HTR1F: variants seen among roughly 807,000 people sequenced by gnomAD.
HTR1F encodes 5-hydroxytryptamine (serotonin) receptor 1F, G protein-coupled.
HTR1F carries 17 observed loss-of-function variants against 24.0 expected under a neutral mutation model. The ratio of observed to expected loss-of-function variants is 0.71; its 90% CI spans 0.48 to 1.06. The LOEUF (loss-of-function observed/expected upper bound fraction) is 1.06, where lower values mean the gene tolerates loss of function less well. HTR1F is among the 50% of genes least tolerant of loss of function. The pLI, the probability that HTR1F is intolerant of heterozygous loss-of-function variation, is 0.00. For synonymous variants in HTR1F, 186 were observed against 156.8 expected, an observed-to-expected ratio of 1.19 and a Z score of -1.39; for missense variants, 391 against 427.8, an observed-to-expected ratio of 0.91 and a Z score of 0.76.
At chr3:87,910,908 A>T (rs193152904) in intron 2 of HTR1F, among the ~76,000 whole-genome samples, 2 of 152,066 alleles carry the variant, frequency 1.3e-5, no homozygotes, top group South Asian at 4.1e-4. Flanking sequence ...GAAATCAAGA[A>T]GTTCTTTGAA....
chr3:87,909,923 T>C (rs1054522659), intron 2 of HTR1F, among the ~76,000 whole-genome samples: 3 of 152,022 alleles, frequency 2.0e-5, no homozygotes, highest in African/African-American at 7.2e-5. Flanking sequence ...CATGGTCTTT[T>C]ATTCTTCTTA....
chr3:87,947,585 T>A (rs1249748406), intron 2 of HTR1F, among the ~76,000 whole-genome samples: 1 of 152,088 alleles, frequency 6.6e-6, no homozygotes, highest in African/African-American at 2.4e-5. Flanking sequence ...TGAGAGAGCA[T>A]CTATAGCATG....
At chr3:87,800,619 T>C (rs1703975891) in intron 1 of HTR1F, among the ~76,000 whole-genome samples, 2 of 152,308 alleles carry the variant, frequency 1.3e-5, no homozygotes, top group South Asian at 4.1e-4. Flanking sequence ...GTCTTTTCCA[T>C]CTCTGTATCT....
At chr3:87,875,688 G>C (rs1291936255) in intron 2 of HTR1F, among the ~76,000 whole-genome samples, 1 of 151,900 alleles carries the variant, frequency 6.6e-6, no homozygotes, top group Non-Finnish European at 1.5e-5. Flanking sequence ...ACTTTGGGAG[G>C]CCGAGGCGGG....
chr3:87,944,511 G>A (rs6788927), intron 2 of HTR1F, among the ~76,000 whole-genome samples: 21 of 152,238 alleles, frequency 1.4e-4, no homozygotes, highest in South Asian at 4.1e-4. Context: ...ACCATCTATC[G>A]TCCTGTCCTG....
intron 1 of HTR1F, among the ~76,000 whole-genome samples, chr3:87,806,822 G>A (rs1286851137): frequency 2.6e-5 from 4 of 151,948 alleles, no homozygotes; most frequent in Admixed American, 6.6e-5. Context: ...TTTTGTTTAT[G>A]GTGAGAGGTA....
intron 2 of HTR1F, among the ~76,000 whole-genome samples, chr3:87,930,627 G>T (rs943060952): frequency 1.3e-5 from 2 of 152,062 alleles, no homozygotes; most frequent in African/African-American, 4.8e-5. Context: ...TGCATCCCTG[G>T]GGTGAAGTCT....
At chr3:87,971,294 A>G (rs942897669) in intron 2 of HTR1F, among the ~76,000 whole-genome samples, 1 of 152,150 alleles carries the variant, frequency 6.6e-6, no homozygotes, top group African/African-American at 2.4e-5. Context: ...ATGGCCGGGC[A>G]TGGTGACTCA....
At chr3:87,907,970 T>C (rs1703702057) in intron 2 of HTR1F, among the ~76,000 whole-genome samples, 2 of 152,050 alleles carry the variant, frequency 1.3e-5, no homozygotes, top group Non-Finnish European at 2.9e-5. Context: ...GAATTTATTC[T>C]TTTAAATTTA....
intron 2 of HTR1F, among the ~76,000 whole-genome samples, chr3:87,892,668 A>G (rs1293273474): frequency 6.6e-6 from 1 of 152,198 alleles, no homozygotes; most frequent in Non-Finnish European, 1.5e-5. Context: ...TTTTCAACTT[A>G]GATTCACTTG....
At chr3:87,888,252 A>C (rs569515540) in intron 2 of HTR1F, among the ~76,000 whole-genome samples, 41 of 152,278 alleles carry the variant, frequency 2.7e-4, no homozygotes, top group African/African-American at 9.6e-4. Flanking sequence ...TTTCACTCAT[A>C]GGTGTGAATT....
At chr3:87,852,118 A>G (rs1321220902) in intron 2 of HTR1F, among the ~76,000 whole-genome samples, 4 of 151,622 alleles carry the variant, frequency 2.6e-5, no homozygotes, top group Non-Finnish European at 5.9e-5. Flanking sequence ...CCTGATTAAT[A>G]TGAATTTCAT....
At chr3:87,803,672 C>T (rs1704029823) in intron 1 of HTR1F, among the ~76,000 whole-genome samples, 1 of 143,254 alleles carries the variant, frequency 7.0e-6, no homozygotes, top group African/African-American at 3.0e-5. Flanking sequence ...TGAATGAATT[C>T]TAAAGCATAA....
At chr3:87,827,088 G>A (rs1704479538) in intron 2 of HTR1F, among the ~76,000 whole-genome samples, 1 of 151,590 alleles carries the variant, frequency 6.6e-6, no homozygotes, top group African/African-American at 2.4e-5. Context: ...GGGAATTACA[G>A]GTTTGAGCCA....
At chr3:87,917,729 A>G (rs1455162114) in intron 2 of HTR1F, among the ~76,000 whole-genome samples, 2 of 139,848 alleles carry the variant, frequency 1.4e-5, no homozygotes, top group Non-Finnish European at 3.1e-5. Flanking sequence ...TCAAGAATTA[A>G]CAACAATAAA....
At chr3:87,879,417 C>T (rs9817423) in intron 2 of HTR1F, among the ~76,000 whole-genome samples, 12,847 of 151,996 alleles carry the variant, frequency 0.085, 1,724 homozygotes, top group African/African-American at 0.29. Flanking sequence ...AACCCATTAC[C>T]CTCCATAACT....
chr3:87,828,771 G>A (rs150980645), intron 2 of HTR1F, among the ~76,000 whole-genome samples: 277 of 152,200 alleles, frequency 1.8e-3, no homozygotes, highest in South Asian at 0.01. Context: ...TTTTTTGAGT[G>A]CATAGATTTT....
chr3:87,915,307 C>CA (rs1291198983), intron 2 of HTR1F, among the ~76,000 whole-genome samples: 1 of 152,066 alleles, frequency 6.6e-6, no homozygotes, highest in Non-Finnish European at 1.5e-5. Flanking sequence ...TAACACCCCC[C>CA]AAAAAATCAC....
At chr3:87,850,360 A>G (rs1417749794) in intron 2 of HTR1F, among the ~76,000 whole-genome samples, 5 of 151,902 alleles carry the variant, frequency 3.3e-5, no homozygotes, top group Non-Finnish European at 5.9e-5. Flanking sequence ...TCGCAAGGAC[A>G]AAAAACCAAA....
Sources: gnomAD v4.1 joint callset for allele counts (sites outside exome capture counted in the v4.1 genomes callset) on GRCh38, gnomAD v4.1.1 for gene constraint, MANE v1.5 for transcripts, NCBI Gene and HGNC (gene_info 2026-07-23, HGNC 2026-07-21) for gene names.